The following SH3RF1 variants were observed in gnomAD, a reference collection of about 807,000 sequenced individuals.
SH3RF1 encodes SH3 domain containing ring finger 1, also known as E3 ubiquitin-protein ligase SH3RF1.
A neutral mutation model predicts 74.0 loss-of-function variants in SH3RF1; 32 were observed. The observed-to-expected ratio is 0.43, with a 90% CI of 0.33 to 0.58. SH3RF1 has a LOEUF of 0.58. Ranked by LOEUF, SH3RF1 falls within the 20% of genes least tolerant of loss-of-function variation. The probability of loss-of-function intolerance (pLI) is 0.05; values close to 1 mark genes in which losing one functional copy is unlikely to be tolerated. For missense variants in SH3RF1, 954 were observed against 1,130.9 expected (o/e 0.84, Z 2.24); for synonymous variants, 396 against 439.6 (o/e 0.90, Z 1.24).
Position 169,107,147 on chromosome 4 carries a change from C to T in SH3RF1, c.2198G>A (p.Arg733His), listed in dbSNP as rs770926301. The T allele has an allele frequency of 1.3e-5, 21 of 1,594,074 alleles. No individual in the cohort carries two copies. Among genetic ancestry groups the T allele is most frequent in the Middle Eastern group, 1.7e-4 (1 of 5,844 alleles). Residue 733 changes from arginine (R) to histidine (H), a missense_variant, in exon 11 of 12, where the codon CGC becomes CAC. Arg to His is a conservative substitution (Grantham distance 29). Transcript: ENST00000284637. The part of the protein sequence containing the change: ...LSGASTKRKP[R>H]VSPPASPTLE... ...GGTGGGCGATGCTGGAGGAGACACGCGGGGCTTCCGTTTAGTGGAGGCGCC... is the reference window on the plus strand; with the variant it reads ...GGTGGGCGATGCTGGAGGAGACACGTGGGGCTTCCGTTTAGTGGAGGCGCC...
intron 5 of SH3RF1, among the ~76,000 whole-genome samples, chr4:169,131,420 T>G (rs1448965459): frequency 6.6e-6 from 1 of 152,208 alleles, no homozygotes; most frequent in Non-Finnish European, 1.5e-5. Context: ...TATGTCACAC[T>G]TCTTATTAGA....
In SH3RF1 at chr4:169,156,282, T is replaced by C. The variant is rs989058541; in HGVS notation, c.669+122A>G. On this transcript the variant is annotated intron_variant, in intron 3 of 11. Transcript: ENST00000284637. ...CTGCTTCTAGGCATTTTCAGAAGCA[T>C]AGTGAGTAGTTCACACAAAACTTGT... is the stretch of plus-strand genomic sequence containing the variant. 8 of 1,094,582 alleles carry C rather than the reference T, an allele frequency of 7.3e-6. No homozygotes were observed. In the African/African-American group the frequency reaches 7.9e-5, roughly 11 times the overall value. 67.8% of individuals were successfully genotyped at this position (1,094,582 alleles called of 1,614,324 possible). A position where few individuals can be genotyped will look rare whatever the true frequency, so the allele number is the denominator to read the frequency against.
intron 2 of SH3RF1, among the ~76,000 whole-genome samples, chr4:169,188,139 C>G (rs974701971): frequency 2.6e-5 from 4 of 151,892 alleles, no homozygotes; most frequent in African/African-American, 9.7e-5. Flanking sequence ...TTCAGACTTC[C>G]AGCCTCCAGA....
intron 4 of SH3RF1, among the ~76,000 whole-genome samples, chr4:169,151,423 C>A (rs980384197): frequency 1.3e-5 from 2 of 152,194 alleles, no homozygotes; most frequent in Non-Finnish European, 2.9e-5. Flanking sequence ...AAATGAAGAG[C>A]CAGGCCCATA....
chr4:169,094,945 GTATT>G lies in SH3RF1; in HGVS notation c.*1570_*1573del, dbSNP rs1732888964. The G allele has an allele frequency of 6.6e-6, 1 of 151,982 alleles. No homozygotes were observed. Among genetic ancestry groups the G allele is most frequent in the Non-Finnish European group, 1.5e-5 (1 of 67,910 alleles). 9.4% of individuals were successfully genotyped at this position (151,982 alleles called of 1,614,324 possible). A position where few individuals can be genotyped will look rare whatever the true frequency, so the allele number is the denominator to read the frequency against. On this transcript the variant is annotated 3_prime_UTR_variant, in exon 12 of 12. Coordinates refer to ENST00000284637, the MANE Select transcript of SH3RF1 (RefSeq NM_020870.4). ...AAAAAAAGATGAAAGGGTTTATTATGTATTTCCCATGAGAAAACTGTGGTAAGGA... is the reference window on the plus strand; with the variant it reads ...AAAAAAAGATGAAAGGGTTTATTATGTCCCATGAGAAAACTGTGGTAAGGA...
At chr4:169,118,216 T>G (rs887410564) in intron 8 of SH3RF1, among the ~76,000 whole-genome samples, 1 of 152,190 alleles carries the variant, frequency 6.6e-6, no homozygotes, top group African/African-American at 2.4e-5. Flanking sequence ...CCCATGTACA[T>G]GCATGCACAC....
At chr4:169,125,161 A>G (rs1411149360) in intron 6 of SH3RF1, among the ~76,000 whole-genome samples, 1 of 152,206 alleles carries the variant, frequency 6.6e-6, no homozygotes, top group Non-Finnish European at 1.5e-5. Context: ...TTGAAAGAAG[A>G]GACAGTGTTA....
intron 2 of SH3RF1, among the ~76,000 whole-genome samples, chr4:169,197,821 T>C (rs1353111237): frequency 2.0e-5 from 3 of 152,126 alleles, no homozygotes; most frequent in African/African-American, 7.2e-5. Flanking sequence ...CGCTTTTTGG[T>C]TAGAATAATA....
intron 8 of SH3RF1, among the ~76,000 whole-genome samples, chr4:169,120,538 A>G (rs1047822036): frequency 1.7e-4 from 26 of 152,238 alleles, no homozygotes; most frequent in African/African-American, 5.3e-4. Context: ...GTAGAAAAAT[A>G]CTGAAAATGG....
At chr4:169,197,076 G>C (rs1297794404) in intron 2 of SH3RF1, among the ~76,000 whole-genome samples, 2 of 151,990 alleles carry the variant, frequency 1.3e-5, no homozygotes, top group Non-Finnish European at 2.9e-5. Context: ...CACTATCTCA[G>C]CTCACTACAA....
At chr4:169,103,079 CCTGG>C (rs1426715277) in intron 11 of SH3RF1, among the ~76,000 whole-genome samples, 2 of 139,776 alleles carry the variant, frequency 1.4e-5, no homozygotes, top group Non-Finnish European at 3.0e-5. Flanking sequence ...CGCCACCGCG[CCTGG>C]CTATTTTTTT....
At chr4:169,201,841 A>C (rs1324893851) in intron 2 of SH3RF1, 1 of 152,152 alleles carries the variant, frequency 6.6e-6, no homozygotes, top group Non-Finnish European at 1.5e-5. Context: ...TAACACAGAA[A>C]ACCCATCTGT....
chr4:169,096,396 A>C lies in SH3RF1; in HGVS notation c.*123T>G. 2.6e-4 allele frequency: 260 copies of C among 1,008,446 alleles called. No individual in the cohort carries two copies. Among genetic ancestry groups the C allele is most frequent in the Non-Finnish European group, 3.5e-4 (239 of 682,494 alleles). The allele number at this position is 1,008,446 out of a possible 1,614,324, so 62.5% of individuals were successfully genotyped here. A position where few individuals can be genotyped will look rare whatever the true frequency, so the allele number is the denominator to read the frequency against. On this transcript the variant is annotated 3_prime_UTR_variant, in exon 12 of 12. Coordinates refer to ENST00000284637, the MANE Select transcript of SH3RF1 (RefSeq NM_020870.4). The stretch of plus-strand genomic sequence containing the variant: ...GTAACTGTGCTGGGGCATCAGAGTC[A>C]CATACCAATCCTTTGCTCATCTCCT...
intron 2 of SH3RF1, among the ~76,000 whole-genome samples, chr4:169,249,738 G>A (rs1006418658): frequency 2.0e-5 from 3 of 152,180 alleles, no homozygotes; most frequent in African/African-American, 2.4e-5. Context: ...AAGTAAATAC[G>A]TAGGAGGAAG....
In SH3RF1 at chr4:169,161,413, G is replaced by A. The variant is rs1233434906; in HGVS notation, c.394-4734C>T. Among the ~76,000 whole-genome samples the A allele has an allele frequency of 2.0e-5, 3 of 152,114 alleles. No homozygotes were observed. In the East Asian group the frequency reaches 5.8e-4, roughly 29 times the overall value. On this transcript the variant is annotated intron_variant, in intron 2 of 11. Transcript: ENST00000284637. ...AGATATTAAAATCCTCATGTGATCT[G>A]CCTATAAATATTTTTGATTAAATGC...
At chr4:169,173,325 T>C (rs1010955849) in intron 2 of SH3RF1, among the ~76,000 whole-genome samples, 1 of 152,104 alleles carries the variant, frequency 6.6e-6, no homozygotes. Context: ...TCAGGCACCT[T>C]AACAAAATAT....
chr4:169,218,357 A>G, intron 2 of SH3RF1, among the ~76,000 whole-genome samples: 1 of 142,026 alleles, frequency 7.0e-6, no homozygotes, highest in Non-Finnish European at 1.5e-5. Flanking sequence ...ATAAATATAT[A>G]TTATATAATA....
Position 169,094,808 on chromosome 4 carries a change from T to C in SH3RF1, c.*1711A>G, listed in dbSNP as rs552968991. On this transcript the variant is annotated 3_prime_UTR_variant, in exon 12 of 12. Transcript: ENST00000284637. Reference sequence around the variant, plus strand: ...TTTAAAAAAAAGGTTAATTTAGGAATGATTTCATCTTCAACCACATAAAGT... The same window carrying C: ...TTTAAAAAAAAGGTTAATTTAGGAACGATTTCATCTTCAACCACATAAAGT... 2.6e-5 allele frequency: 4 copies of C among 151,900 alleles called. No homozygotes were observed. Among genetic ancestry groups the C allele is most frequent in the African/African-American group, 9.6e-5 (4 of 41,474 alleles). 9.4% of individuals were successfully genotyped at this position (151,900 alleles called of 1,614,324 possible). A position where few individuals can be genotyped will look rare whatever the true frequency, so the allele number is the denominator to read the frequency against.
chr4:169,162,992 G>C lies in SH3RF1; in HGVS notation c.394-6313C>G, dbSNP rs527725827. Among the ~76,000 whole-genome samples the C allele has an allele frequency of 7.2e-5, 11 of 152,080 alleles. No individual in the cohort carries two copies. The East Asian group carries it at 2.1e-3, about 29-fold the overall frequency. ...GCAATCCAATCCACCATCGCTAATG[G>C]AGTGTCTAACTCAGCTCTTGACCAA... On this transcript the variant is annotated intron_variant, in intron 2 of 11. Coordinates refer to ENST00000284637, the MANE Select transcript of SH3RF1 (RefSeq NM_020870.4).
Sources: gnomAD v4.1 joint callset for allele counts (sites outside exome capture counted in the v4.1 genomes callset) on GRCh38, gnomAD v4.1.1 for gene constraint, MANE v1.5 for transcripts, NCBI Gene and HGNC (gene_info 2026-07-23, HGNC 2026-07-21) for gene names.